LOC128125822: variants seen among roughly 807,000 people sequenced by gnomAD.
At chr6:63,580,384 G>A in the LOC128125822 span, 6 of 492,376 alleles carry the variant, frequency 1.2e-5, no homozygotes, top group African/African-American at 1.2e-4. Flanking sequence ...AAAGATTCTT[G>A]CTGTCAGCAT....
chr6:63,579,364 TC>T, the LOC128125822 span: 7 of 1,498,920 alleles, frequency 4.7e-6, no homozygotes, highest in Non-Finnish European at 4.6e-6. Flanking sequence ...ATTTGTACTC[TC>T]TTTCATTTCC....
the LOC128125822 span, among the ~76,000 whole-genome samples, chr6:63,579,705 T>G: frequency 6.6e-6 from 1 of 152,208 alleles, no homozygotes; most frequent in Non-Finnish European, 1.5e-5. Context: ...TAGAATATTT[T>G]GAGTGCTGTA....
At chr6:63,572,522 G>T in the LOC128125822 span, 1 of 392,048 alleles carries the variant, frequency 2.6e-6, no homozygotes, top group African/African-American at 2.1e-5. Context: ...GGGCCGGCTC[G>T]GCTACGCGCT....
chr6:63,576,863 T>C, the LOC128125822 span: 4 of 1,598,094 alleles, frequency 2.5e-6, no homozygotes, highest in South Asian at 3.4e-5. Context: ...CTATTGAGTG[T>C]TTTTTAACTA....
chr6:63,574,433 G>A, the LOC128125822 span, among the ~76,000 whole-genome samples: 1 of 152,146 alleles, frequency 6.6e-6, no homozygotes, highest in Admixed American at 6.5e-5. Flanking sequence ...GGAGTGTCTT[G>A]GGCGGAACAG....
chr6:63,576,783 A>C, the LOC128125822 span: 2 of 880,060 alleles, frequency 2.3e-6, no homozygotes, highest in East Asian at 5.1e-5. Context: ...TTTCAAGTGG[A>C]GTATATTGAA....
the LOC128125822 span, chr6:63,582,408 A>T: frequency 2.6e-5 from 4 of 152,568 alleles, no homozygotes; most frequent in African/African-American, 9.7e-5. Flanking sequence ...AAAATAAATT[A>T]ATTTACTTTA....
the LOC128125822 span, chr6:63,580,146 G>T: frequency 1.9e-6 from 3 of 1,612,722 alleles, no homozygotes; most frequent in Non-Finnish European, 2.5e-6. Flanking sequence ...GATTCCAACG[G>T]TCATAGAAAC....
the LOC128125822 span, chr6:63,582,349 G>A: frequency 6.6e-6 from 1 of 152,574 alleles, no homozygotes; most frequent in Non-Finnish European, 1.5e-5. Flanking sequence ...TATCTTTTGA[G>A]TTTGAAAAGA....
the LOC128125822 span, chr6:63,576,994 T>A: frequency 6.3e-7 from 1 of 1,595,516 alleles, no homozygotes; most frequent in East Asian, 2.2e-5. Context: ...AGGTAAGATT[T>A]GATATGTTTT....
the LOC128125822 span, chr6:63,579,977 G>T: frequency 9.9e-7 from 1 of 1,007,178 alleles, no homozygotes; most frequent in Non-Finnish European, 1.5e-6. Context: ...CACAAGAGAG[G>T]TGATGGTTGT....
chr6:63,577,352 T>C, the LOC128125822 span, among the ~76,000 whole-genome samples: 1 of 152,202 alleles, frequency 6.6e-6, no homozygotes, highest in Non-Finnish European at 1.5e-5. Context: ...TTGAACCCCA[T>C]CTGATGCTTA....
chr6:63,572,756 A>T, the LOC128125822 span: 1 of 398,338 alleles, frequency 2.5e-6, no homozygotes, highest in Non-Finnish European at 4.4e-6. Flanking sequence ...TCGGGCTGGG[A>T]ATCCACGACC....
chr6:63,572,578 G>A, the LOC128125822 span: 2 of 414,156 alleles, frequency 4.8e-6, no homozygotes, highest in East Asian at 7.0e-5. Context: ...TGCCCCCGCC[G>A]CCGCCTGCAT....
chr6:63,578,584 C>A, the LOC128125822 span: 2 of 1,559,308 alleles, frequency 1.3e-6, no homozygotes, highest in South Asian at 1.2e-5. Context: ...AAAGTTTATT[C>A]AAATAGTAAA....
the LOC128125822 span, chr6:63,581,249 A>G: frequency 6.6e-6 from 1 of 152,640 alleles, no homozygotes; most frequent in South Asian, 2.1e-4. Flanking sequence ...GTGTAACTTA[A>G]TATTTGGATA....
At chr6:63,583,462 CTTGTA>C in the LOC128125822 span, 1 of 152,120 alleles carries the variant, frequency 6.6e-6, no homozygotes, top group Non-Finnish European at 1.5e-5. Flanking sequence ...AAGGGAAAAA[CTTGTA>C]TTTGCCTTCA....
the LOC128125822 span, chr6:63,579,224 A>T: frequency 6.4e-7 from 1 of 1,566,890 alleles, no homozygotes; most frequent in Admixed American, 1.9e-5. Context: ...CTGATTTTGA[A>T]AAAACTATTT....
chr6:63,581,703 A>G, the LOC128125822 span: 1 of 152,146 alleles, frequency 6.6e-6, no homozygotes, highest in Non-Finnish European at 1.5e-5. Flanking sequence ...TGTACTGAGG[A>G]GAAATAATGT....
Sources: allele counts gnomAD v4.1 joint callset (sites outside exome capture counted in the v4.1 genomes callset), GRCh38; gene constraint gnomAD v4.1.1; transcripts MANE v1.5.